The following WAC variants were observed in gnomAD, a reference collection of about 807,000 sequenced individuals.
WAC encodes the protein WW domain containing adaptor with coiled-coil, also known as WW domain-containing adapter protein with coiled-coil.
In WAC, 11 loss-of-function variants were observed where a neutral mutation model predicts 79.6. That is an observed-to-expected ratio of 0.14 (90% CI 0.09 to 0.23). WAC has a LOEUF of 0.23. WAC is among the 10% of genes least tolerant of loss of function. The pLI is 1.00. For synonymous variants in WAC, 304 were observed against 276.9 expected, an observed-to-expected ratio of 1.10 and a Z score of -0.97; for missense variants, 728 against 773.5, an observed-to-expected ratio of 0.94 and a Z score of 0.70.
chr10:28,614,510 G>C, intron 10 of WAC, 57 bp from the exon 11 acceptor site: 1 of 1,330,302 alleles, frequency 7.5e-7, no homozygotes, highest in South Asian at 1.2e-5. Context: ...CCTAGATTTT[G>C]GGGGGAGAGA....
chr10:28,608,535 T>G (rs1841070036), intron 8 of WAC, 104 bp downstream of exon 8: 3 of 1,258,390 alleles, frequency 2.4e-6, no homozygotes, highest in South Asian at 3.2e-5. Flanking sequence ...CTTTTGAAAT[T>G]TATAGTTGAA....
intron 7 of WAC, among the ~76,000 whole-genome samples, chr10:28,599,131 T>G (rs1840517416): frequency 6.6e-6 from 1 of 152,202 alleles, no homozygotes; most frequent in Non-Finnish European, 1.5e-5. Context: ...AAATTAAGCT[T>G]TCTATTGACT....
At chr10:28,547,002 G>T (rs1212968481) in intron 3 of WAC, among the ~76,000 whole-genome samples, 1 of 151,618 alleles carries the variant, frequency 6.6e-6, no homozygotes, top group Non-Finnish European at 1.5e-5. Flanking sequence ...ATTATCTCTG[G>T]ATACTTTGTC....
chr10:28,534,008 C>A lies in WAC; in HGVS notation c.52C>A (p.Arg18=). 6.2e-7 allele frequency: 1 copy of A among 1,602,042 alleles called. No homozygotes were observed. The highest frequency in any genetic ancestry group is 1.1e-5 in the South Asian group (1 of 90,642). The part of the protein sequence containing the change: ...QQRLSDGCHD[R]RGDSQPYQAL... Reference sequence around the variant, plus strand: ...CTTCCTGTTTTTCAGCTGTCACGACCGGAGGGGGGACTCGCAGCCTTACCA... The same window carrying A: ...CTTCCTGTTTTTCAGCTGTCACGACAGGAGGGGGGACTCGCAGCCTTACCA... The change falls in exon 2 of 14, where the codon CGG becomes AGG. Residue 18 remains arginine (R), a synonymous_variant. Coordinates refer to ENST00000354911, the MANE Select transcript of WAC (RefSeq NM_016628.5).
chr10:28,574,025 A>G (rs1839114351), intron 3 of WAC, among the ~76,000 whole-genome samples: 1 of 152,146 alleles, frequency 6.6e-6, no homozygotes, highest in Non-Finnish European at 1.5e-5. Flanking sequence ...ATGTTGTAGC[A>G]TGTATTAGTA....
chr10:28,611,129 C>G (rs911865333), intron 9 of WAC: 2 of 622,796 alleles, frequency 3.2e-6, no homozygotes, highest in African/African-American at 3.8e-5. Context: ...TGAAAGTAAA[C>G]TATGATGTGC....
chr10:28,543,578 T>C (rs1339539842), intron 3 of WAC, among the ~76,000 whole-genome samples: 5 of 152,254 alleles, frequency 3.3e-5, no homozygotes, highest in Admixed American at 1.3e-4. Context: ...CTTTTACATA[T>C]ATTTTTATTT....
chr10:28,576,225 A>G (rs1291023641), intron 3 of WAC, among the ~76,000 whole-genome samples: 13 of 152,252 alleles, frequency 8.5e-5, no homozygotes, highest in Admixed American at 8.5e-4. Context: ...GCCTGCAGAT[A>G]GAAATAATGT....
rs1224126631 is a variant in WAC, at chr10:28,545,049, A to C, written c.274+9292A>C. ...GAGTGAGACTCTGTCTCAAAAAAAAAAAAAAAAAAAATGGTAGTGCAAGTT... is the reference window on the plus strand; with the variant it reads ...GAGTGAGACTCTGTCTCAAAAAAAACAAAAAAAAAAATGGTAGTGCAAGTT... On this transcript the variant is annotated intron_variant, in intron 3 of 13. Transcript: ENST00000354911. Among the ~76,000 whole-genome samples the C allele has an allele frequency of 1.2e-4, 18 of 151,908 alleles. No individual in the cohort carries two copies. In the East Asian group the frequency reaches 2.9e-3, roughly 25 times the overall value.
chr10:28,541,414 TGTTTTG>T (rs1564372743), intron 3 of WAC, among the ~76,000 whole-genome samples: 16 of 67,036 alleles, frequency 2.4e-4, no homozygotes, highest in Admixed American at 3.3e-4. Flanking sequence ...TGTGTGTGTG[TGTTTTG>T]TTTTTTTTTT....
rs777026685 is a variant in WAC, at chr10:28,595,931, T to C, written c.809T>C (p.Leu270Pro). 1 of 1,614,160 alleles carries C rather than the reference T, an allele frequency of 6.2e-7. No homozygotes were observed. Among genetic ancestry groups the C allele is most frequent in the Non-Finnish European group, 8.5e-7 (1 of 1,180,008 alleles). ...PSTVPSSPFT[L>P]QSDHQPKKSF... ...ACTGTTCCTTCTAGTCCATTTACGCTACAGTCTGATCACCAGCCAAAGAAA... is the reference window on the plus strand; with the variant it reads ...ACTGTTCCTTCTAGTCCATTTACGCCACAGTCTGATCACCAGCCAAAGAAA... The change falls in exon 7 of 14, where the codon CTA (leucine) becomes CCA (proline). Residue 270 changes from leucine to proline, a missense_variant. By Grantham distance (98) the Leu-to-Pro change is moderately conservative (BLOSUM62 -3). Coordinates refer to ENST00000354911, the MANE Select transcript of WAC (RefSeq NM_016628.5).
intron 2 of WAC, chr10:28,534,293 G>C: frequency 2.4e-6 from 1 of 413,742 alleles, no homozygotes; most frequent in Non-Finnish European, 4.3e-6. Context: ...AGAAAGACCT[G>C]ACTCGATTAT....
At chr10:28,559,261 ATGCTTGGGAAGTAGGAGT>A in intron 3 of WAC, among the ~76,000 whole-genome samples, 1 of 152,046 alleles carries the variant, frequency 6.6e-6, no homozygotes, top group East Asian at 1.9e-4. Flanking sequence ...GTAGTAAGAT[ATGCTTGGGAAGTAGGAGT>A]TGCTTTTTTA....
chr10:28,585,293 T>G (rs535047416), intron 4 of WAC, among the ~76,000 whole-genome samples: 2 of 152,154 alleles, frequency 1.3e-5, no homozygotes, highest in South Asian at 4.2e-4. Flanking sequence ...GTGAAGCTAG[T>G]TCTAGTGGTG....
At chr10:28,566,236 TTTG>T (rs1327113971) in intron 3 of WAC, among the ~76,000 whole-genome samples, 1 of 152,072 alleles carries the variant, frequency 6.6e-6, no homozygotes, top group Admixed American at 6.5e-5. Context: ...AAATTAAATG[TTTG>T]TTAAGTGAGT....
At chr10:28,585,543 T>C (rs1030453928) in intron 4 of WAC, among the ~76,000 whole-genome samples, 8 of 151,278 alleles carry the variant, frequency 5.3e-5, no homozygotes, top group Non-Finnish European at 1.0e-4. Flanking sequence ...CTTTTTCCTT[T>C]CTTTTTTTTT....
At chr10:28,612,155 T>G (rs1841270994) in intron 10 of WAC, among the ~76,000 whole-genome samples, 1 of 152,198 alleles carries the variant, frequency 6.6e-6, no homozygotes, top group Non-Finnish European at 1.5e-5. Context: ...CTAATGGTTT[T>G]GGGATTTGTC....
At position 28,545,766 on chromosome 10, in the gene WAC, G is replaced by A. The variant is rs567923029; in HGVS notation, c.274+10009G>A. Among the ~76,000 whole-genome samples the A allele has an allele frequency of 7.2e-5, 11 of 152,310 alleles. No homozygotes were observed. In the South Asian group the frequency reaches 2.3e-3, roughly 32 times the overall value. Reference sequence around the variant, plus strand: ...AATATCCTGTGCAAGGGCATCTAATGCCCAGCAGTAGAGAAGTTTCTAATT... The same window carrying A: ...AATATCCTGTGCAAGGGCATCTAATACCCAGCAGTAGAGAAGTTTCTAATT... On this transcript the variant is annotated intron_variant, in intron 3 of 13. Coordinates refer to ENST00000354911, the MANE Select transcript of WAC (RefSeq NM_016628.5).
At chr10:28,557,963 A>G (rs1380146056) in intron 3 of WAC, among the ~76,000 whole-genome samples, 2 of 152,012 alleles carry the variant, frequency 1.3e-5, no homozygotes, top group Non-Finnish European at 1.5e-5. Flanking sequence ...AGTCCCAGCT[A>G]CTTGGGAGGC....
Sources: gnomAD v4.1 joint callset for allele counts (sites outside exome capture counted in the v4.1 genomes callset) on GRCh38, gnomAD v4.1.1 for gene constraint, MANE v1.5 for transcripts, NCBI Gene and HGNC (gene_info 2026-07-23, HGNC 2026-07-21) for gene names.